Variants in MID1 observed in about 807,000 individuals in gnomAD.
MID1 encodes E3 ubiquitin-protein ligase Midline-1.
MID1 carries 7 observed loss-of-function variants against 40.4 expected under a neutral mutation model. That is an observed-to-expected ratio of 0.17 (90% CI 0.10 to 0.33). The LOEUF (loss-of-function observed/expected upper bound fraction) is 0.33, where lower values mean the gene tolerates loss of function less well. MID1 is among the 10% of genes least tolerant of loss of function. The probability of loss-of-function intolerance (pLI) is 1.00; values close to 1 mark genes in which losing one functional copy is unlikely to be tolerated. For synonymous variants in MID1, 229 were observed against 221.2 expected, an observed-to-expected ratio of 1.04 and a Z score of -0.31; for missense variants, 367 against 558.5, an observed-to-expected ratio of 0.66 and a Z score of 3.46.
intron 7 of MID1, among the ~76,000 whole-genome samples, chrX:10,468,246 G>T (rs1357927195): frequency 3.6e-5 from 4 of 111,890 alleles, no homozygotes; most frequent in Non-Finnish European, 7.5e-5. Context: ...GGAAGTTGGA[G>T]AAGTTGGGGA....
intron 1 of MID1, among the ~76,000 whole-genome samples, chrX:10,588,209 C>T (rs956684297): frequency 8.9e-6 from 1 of 112,559 alleles, no homozygotes; most frequent in African/African-American, 3.2e-5. Context: ...CTTATGCCTC[C>T]TTATAATCCT....
At chrX:10,551,736 G>T (rs1234023410) in intron 2 of MID1, among the ~76,000 whole-genome samples, 1 of 111,874 alleles carries the variant, frequency 8.9e-6, no homozygotes, top group East Asian at 2.8e-4. Flanking sequence ...TTGAGAAATT[G>T]AAACACTATT....
rs1452714186 is a variant in MID1 at position 10,566,941 on chromosome X, G to A, written c.607C>T (p.Arg203Trp). Reference sequence around the variant, plus strand: ...GCTGCCACCTGATGATCGCGGTGCCGCCCAACCAGTTTACACAAGGCACAG... The same window carrying A: ...GCTGCCACCTGATGATCGCGGTGCCACCCAACCAGTTTACACAAGGCACAG... Reference protein sequence around the residue: ...LICALCKLVGRHRDHQVAALS... With the variant: ...LICALCKLVGWHRDHQVAALS... The change falls in exon 2 of 10, where the codon CGG becomes TGG. Residue 203 changes from arginine (R) to tryptophan (W), a missense_variant. Coordinates refer to ENST00000317552, the MANE Select transcript of MID1 (RefSeq NM_000381.4). 1.7e-6 allele frequency: 2 copies of A among 1,209,600 alleles called. No individual in the cohort carries two copies. Among genetic ancestry groups the A allele is most frequent in the Admixed American group, 2.2e-5 (1 of 45,729 alleles).
At chrX:10,556,196 T>A (rs759194352) in intron 2 of MID1, among the ~76,000 whole-genome samples, 6 of 111,676 alleles carry the variant, frequency 5.4e-5, no homozygotes, top group Non-Finnish European at 1.1e-4. Flanking sequence ...TAGATGTGTA[T>A]AAATGTGACA....
intron 4 of MID1, among the ~76,000 whole-genome samples, chrX:10,483,737 T>G (rs2036763840): frequency 8.9e-6 from 1 of 112,292 alleles, no homozygotes; most frequent in South Asian, 3.7e-4. Context: ...AATTCTTTCT[T>G]TCTCCAAGTC....
In MID1 at chrX:10,567,310, G is replaced by A. The variant is rs770387204; in HGVS notation, c.238C>T (p.Gln80Ter). The A allele has an allele frequency of 8.4e-7, 1 of 1,194,279 alleles. No homozygotes were observed. Among genetic ancestry groups the A allele is most frequent in the East Asian group, 3.0e-5 (1 of 33,625 alleles). Residue 80 changes from glutamine (Q) to a stop codon, truncating the protein, a stop_gained, in exon 2 of 10, where the codon CAG becomes TAG. Coordinates refer to ENST00000317552, the MANE Select transcript of MID1 (RefSeq NM_000381.4). LOFTEE classifies it high-confidence loss of function. ...LDGLKRNVTLQNIIDRFQKAS... is the reference protein window; with the variant it reads ...LDGLKRNVTL ...TTCTGGAACCTGTCGATGATGTTCT[G>A]TAGGGTGACGTTGCGCTTGAGCCCG...
intron 1 of MID1, among the ~76,000 whole-genome samples, chrX:10,796,390 G>A (rs750712355): frequency 1.1e-5 from 1 of 93,202 alleles, no homozygotes; most frequent in East Asian, 3.3e-4. Context: ...TTTAAGGGCT[G>A]TTTACAGAAA....
Position 10,557,809 on chromosome X carries a change from C to T in MID1, c.660+9079G>A, listed in dbSNP as rs777209606. Among the ~76,000 whole-genome samples, 8 of 111,864 alleles carry T rather than the reference C, an allele frequency of 7.2e-5. No individual in the cohort carries two copies. In the South Asian group the frequency reaches 1.9e-3, roughly 26 times the overall value. ...TCTGTACCTAAGAGCCAATCAGCAA[C>T]GACATCTCCTATTTCTTCCTAGTTT... On this transcript the variant is annotated intron_variant, in intron 2 of 9. Coordinates refer to ENST00000317552, the MANE Select transcript of MID1 (RefSeq NM_000381.4).
intron 1 of MID1, among the ~76,000 whole-genome samples, chrX:10,765,948 A>G (rs966313971): frequency 6.8e-5 from 2 of 29,307 alleles, no homozygotes; most frequent in Non-Finnish European, 8.8e-5. Context: ...GAAAGGAAAG[A>G]AAGAAAGAAA....
intron 3 of MID1, among the ~76,000 whole-genome samples, chrX:10,496,884 A>T (rs1185805828): frequency 8.9e-6 from 1 of 112,384 alleles, no homozygotes; most frequent in African/African-American, 3.2e-5. Context: ...GTCATTGGCC[A>T]TTTGCAGTAA....
At chrX:10,810,490 G>A (rs1484892382) in intron 1 of MID1, among the ~76,000 whole-genome samples, 3 of 112,079 alleles carry the variant, frequency 2.7e-5, no homozygotes, top group Non-Finnish European at 5.6e-5. Context: ...TGGTGTACAA[G>A]TGTATGTTTG....
At chrX:10,695,825 T>A (rs2043159754) in intron 1 of MID1, among the ~76,000 whole-genome samples, 1 of 111,815 alleles carries the variant, frequency 8.9e-6, no homozygotes, top group African/African-American at 3.3e-5. Flanking sequence ...TGAAATGCAG[T>A]GAGTCTGAAA....
chrX:10,575,842 A>G (rs753432877), intron 1 of MID1, among the ~76,000 whole-genome samples: 161 of 111,179 alleles, frequency 1.4e-3, no homozygotes, highest in Non-Finnish European at 2.7e-3. Context: ...AGAACAGGTG[A>G]AAAAAGGTGA....
chrX:10,522,262 G>T (rs1464664133), intron 3 of MID1, among the ~76,000 whole-genome samples: 1 of 111,749 alleles, frequency 8.9e-6, no homozygotes, highest in Non-Finnish European at 1.9e-5. Flanking sequence ...ATGTGATAAC[G>T]GAGGAAGGGT....
intron 1 of MID1, among the ~76,000 whole-genome samples, chrX:10,806,915 A>T (rs771283488): frequency 9.5e-5 from 10 of 105,693 alleles, no homozygotes; most frequent in Admixed American, 2.0e-4. Context: ...ATTCAGAATT[A>T]AAAAAAACAT....
intron 1 of MID1, among the ~76,000 whole-genome samples, chrX:10,698,731 GAAA>G (rs777771037): frequency 5.9e-5 from 4 of 67,637 alleles, no homozygotes; most frequent in East Asian, 5.4e-4. Flanking sequence ...AGAAGAAAAA[GAAA>G]AAAAAAAAAA....
chrX:10,607,490 C>T (rs1267877066), intron 1 of MID1, among the ~76,000 whole-genome samples: 2 of 111,892 alleles, frequency 1.8e-5, no homozygotes, highest in Admixed American at 1.9e-4. Flanking sequence ...TTGAGAAATC[C>T]TGACCCGGGA....
intron 1 of MID1, among the ~76,000 whole-genome samples, chrX:10,725,561 A>T (rs1357085788): frequency 8.9e-6 from 1 of 112,106 alleles, no homozygotes; most frequent in African/African-American, 3.2e-5. Context: ...CTTAGGGTCA[A>T]TATGCTTAGA....
chrX:10,813,811 T>C (rs1367079296), intron 1 of MID1, among the ~76,000 whole-genome samples: 1 of 111,652 alleles, frequency 9.0e-6, no homozygotes, highest in Admixed American at 9.5e-5. Context: ...CAAGTGGCAA[T>C]GGGGGACCCT....
Sources: gnomAD v4.1 joint callset for allele counts (sites outside exome capture counted in the v4.1 genomes callset) on GRCh38, gnomAD v4.1.1 for gene constraint, MANE v1.5 for transcripts, NCBI Gene and HGNC (gene_info 2026-07-23, HGNC 2026-07-21) for gene names.